The following C8A variants were observed in gnomAD, a reference collection of about 807,000 sequenced individuals.
The protein encoded by C8A is complement C8 alpha chain.
A neutral mutation model predicts 65.3 loss-of-function variants in C8A; 67 were observed. The observed-to-expected ratio is 1.03, with a 90% CI of 0.84 to 1.26. The LOEUF (loss-of-function observed/expected upper bound fraction) is 1.26, where lower values mean the gene tolerates loss of function less well. Ranked by LOEUF, C8A falls within the 50% of genes most tolerant of loss-of-function variation. C8A has a pLI of 0.00. For synonymous variants in C8A, 290 were observed against 259.4 expected (o/e 1.12, Z -1.13); for missense variants, 781 against 723.9 (o/e 1.08, Z -0.90).
chr1:56,895,522 C>T (rs1644381530), intron 7 of C8A, among the ~76,000 whole-genome samples: 1 of 152,124 alleles, frequency 6.6e-6, no homozygotes, highest in Non-Finnish European at 1.5e-5. Flanking sequence ...ATTTTTCAAA[C>T]TTCAGACCAT....
At chr1:56,885,555 G>GTTTTT (rs201414278) in intron 6 of C8A, among the ~76,000 whole-genome samples, 1 of 127,844 alleles carries the variant, frequency 7.8e-6, no homozygotes, top group Non-Finnish European at 1.6e-5. Context: ...TTTCTTTTTT[G>GTTTTT]TTTTTTTTTG....
intron 7 of C8A, among the ~76,000 whole-genome samples, chr1:56,899,359 G>A (rs1644409571): frequency 6.6e-6 from 1 of 152,094 alleles, no homozygotes; most frequent in South Asian, 2.1e-4. Flanking sequence ...CGTGGTCTTT[G>A]GACACAGGCC....
rs1644519601 is a variant in C8A, at chr1:56,912,727, C to T, written c.1603+102C>T. ...TCCCGGCCCCTCCTTTTGGAGCTCTCCTAGCCAATACCTAGGAGCCACCCT... is the reference window on the plus strand; with the variant it reads ...TCCCGGCCCCTCCTTTTGGAGCTCTTCTAGCCAATACCTAGGAGCCACCCT... On this transcript the variant is annotated intron_variant, in intron 10 of 10. Coordinates refer to ENST00000361249, the MANE Select transcript of C8A (RefSeq NM_000562.3). 7.5e-5 allele frequency: 77 copies of T among 1,029,484 alleles called. No individual in the cohort carries two copies. In the South Asian group the frequency reaches 9.9e-4, roughly 13 times the overall value. The allele number at this position is 1,029,484 out of a possible 1,614,324, so 63.8% of individuals were successfully genotyped here.
At chr1:56,874,566 C>T (rs1320934114) in intron 2 of C8A, among the ~76,000 whole-genome samples, 1 of 152,136 alleles carries the variant, frequency 6.6e-6, no homozygotes, top group African/African-American at 2.4e-5. Context: ...CGTGGATGCT[C>T]AATTGCAACT....
chr1:56,871,071 C>A (rs911328186), intron 2 of C8A, among the ~76,000 whole-genome samples: 3 of 152,142 alleles, frequency 2.0e-5, no homozygotes, highest in Non-Finnish European at 2.9e-5. Context: ...TGGGAATGAA[C>A]CTTATGGCTT....
chr1:56,908,827 T>G (rs1644486324), intron 9 of C8A, among the ~76,000 whole-genome samples: 1 of 152,224 alleles, frequency 6.6e-6, no homozygotes, highest in Non-Finnish European at 1.5e-5. Context: ...GGACTTCGTA[T>G]CCAGTTCTCA....
chr1:56,901,942 T>A (rs1644429694), intron 7 of C8A, among the ~76,000 whole-genome samples: 2 of 152,124 alleles, frequency 1.3e-5, no homozygotes, highest in Non-Finnish European at 2.9e-5. Context: ...CTCTCCTGAG[T>A]CATCTTTATT....
intron 7 of C8A, among the ~76,000 whole-genome samples, chr1:56,901,812 C>T (rs1644428805): frequency 6.6e-6 from 1 of 152,060 alleles, no homozygotes; most frequent in Non-Finnish European, 1.5e-5. Context: ...CTTCTGACCC[C>T]CACAGATGCC....
At chr1:56,867,540 G>C in intron 1 of C8A, 69 bp from the exon 2 acceptor site, 2 of 1,094,422 alleles carry the variant, frequency 1.8e-6, no homozygotes, top group South Asian at 2.5e-5. Flanking sequence ...GAAGGAAAAT[G>C]TGCACAGCTT....
chr1:56,860,442 C>G (rs1003937852), intron 1 of C8A, among the ~76,000 whole-genome samples: 1 of 152,094 alleles, frequency 6.6e-6, no homozygotes, highest in Non-Finnish European at 1.5e-5. Flanking sequence ...AAAACACACA[C>G]AAACACAAAA....
intron 7 of C8A, among the ~76,000 whole-genome samples, chr1:56,890,531 A>T (rs749727440): frequency 1.3e-5 from 2 of 152,090 alleles, no homozygotes; most frequent in Admixed American, 6.6e-5. Context: ...TCTAAAGCAT[A>T]TGCATCACCT....
At chr1:56,916,758 T>C (rs542831735) in intron 10 of C8A, among the ~76,000 whole-genome samples, 7 of 152,304 alleles carry the variant, frequency 4.6e-5, no homozygotes, top group Admixed American at 1.3e-4. Flanking sequence ...ACCACTGGAT[T>C]AGTCCATCCT....
intron 7 of C8A, among the ~76,000 whole-genome samples, chr1:56,895,995 T>A (rs1306680317): frequency 1.3e-5 from 2 of 152,092 alleles, no homozygotes; most frequent in African/African-American, 4.8e-5. Flanking sequence ...AGACTGATCA[T>A]GATGTAAAAT....
chr1:56,855,950 G>A (rs1643970595), intron 1 of C8A, among the ~76,000 whole-genome samples: 1 of 152,000 alleles, frequency 6.6e-6, no homozygotes. Context: ...ATAATTAGAA[G>A]ATAAAGGCAA....
rs374830601 is a variant in C8A, at chr1:56,886,110, A to G, written c.1039A>G (p.Met347Val). The stretch of plus-strand genomic sequence containing the variant: ...CACCCATTACATCACATCTGGATCC[A>G]TGGGTGGCATTTATGAATATATCCT... ...YGTHYITSGS[M>V]GGIYEYILVI... Residue 347 changes from methionine to valine, a missense_variant, in exon 7 of 11, where the codon ATG becomes GTG. Coordinates refer to ENST00000361249, the MANE Select transcript of C8A (RefSeq NM_000562.3). 13 of 1,613,934 alleles carry G rather than the reference A, an allele frequency of 8.1e-6. No individual in the cohort carries two copies. Among genetic ancestry groups the G allele is most frequent in the Middle Eastern group, 1.6e-4 (1 of 6,084 alleles).
rs573400261 is a variant in C8A, at chr1:56,917,400, T to C, written c.1604-165T>C. Among the ~76,000 whole-genome samples the C allele has an allele frequency of 1.4e-4, 21 of 152,358 alleles. No homozygotes were observed. The East Asian group carries it at 3.9e-3, about 28-fold the overall frequency. On this transcript the variant is annotated intron_variant, in intron 10 of 10. Coordinates refer to ENST00000361249, the MANE Select transcript of C8A (RefSeq NM_000562.3). ...GACTAACAAAGGAGCAAAGACCCTA[T>C]GTACCTTATCTGTACGTACCTCCAA...
At chr1:56,881,404 A>G in intron 4 of C8A, 41 bp from the exon 5 acceptor site, 3 of 1,604,110 alleles carry the variant, frequency 1.9e-6, no homozygotes, top group Non-Finnish European at 2.6e-6. Flanking sequence ...TATAAAACCC[A>G]GCATCCACTA....
chr1:56,891,623 G>T (rs1211502450), intron 7 of C8A, among the ~76,000 whole-genome samples: 1 of 152,112 alleles, frequency 6.6e-6, no homozygotes, highest in Admixed American at 6.6e-5. Flanking sequence ...TTTGAAAGTA[G>T]AAATTAAGGA....
chr1:56,889,066 G>A (rs1644324202), intron 7 of C8A, among the ~76,000 whole-genome samples: 1 of 152,048 alleles, frequency 6.6e-6, no homozygotes, highest in South Asian at 2.1e-4. Context: ...AGGCTGAAAT[G>A]GGCTTCCAAT....
Sources: allele counts gnomAD v4.1 joint callset (sites outside exome capture counted in the v4.1 genomes callset), GRCh38; gene constraint gnomAD v4.1.1; transcripts MANE v1.5; gene names NCBI Gene and HGNC (gene_info 2026-07-23, HGNC 2026-07-21).